Variants in NIPSNAP1 observed in about 807,000 individuals in gnomAD.
The protein encoded by NIPSNAP1 is protein NipSnap homolog 1.
Under a neutral mutation model 49.2 loss-of-function variants are expected in NIPSNAP1, and 25 were observed. The observed-to-expected ratio is 0.51, with a 90% CI of 0.37 to 0.71. The LOEUF is 0.71. Among genes scored for constraint, NIPSNAP1 ranks in the 30% least tolerant of loss-of-function variants. NIPSNAP1 has a pLI of 0.00. For missense variants in NIPSNAP1, 294 were observed against 361.0 expected, an observed-to-expected ratio of 0.81 and a Z score of 1.50; for synonymous variants, 143 against 140.7, an observed-to-expected ratio of 1.02 and a Z score of -0.12.
chr22:29,560,251 T>C (rs368257192), intron 8 of NIPSNAP1, among the ~76,000 whole-genome samples: 11 of 151,798 alleles, frequency 7.2e-5, no homozygotes, highest in African/African-American at 2.2e-4. Context: ...CTTTTTTTTT[T>C]TTCTTCTTTT....
Position 29,560,745 on chromosome 22 carries a change from T to C in NIPSNAP1, c.695A>G (p.His232Arg). The C allele has an allele frequency of 6.2e-7, 1 of 1,614,082 alleles. No individual in the cohort carries two copies. The highest frequency in any genetic ancestry group is 8.5e-7 in the Non-Finnish European group (1 of 1,180,004). ...GGTCCTCAACCTACCCCAGAGATGG[T>C]GCACCACGTAGAGCTCTCCTATCTG... is the stretch of plus-strand genomic sequence containing the variant. ...FSQIGELYVV[H>R]HLWAYKDLQS... The change falls in exon 8 of 10, where the codon CAC becomes CGC. Residue 232 changes from histidine to arginine, a missense_variant. Coordinates refer to ENST00000216121, the MANE Select transcript of NIPSNAP1 (RefSeq NM_003634.4).
chr22:29,574,261 CAAAAAAAAAAAAAA>C (rs1158442759), intron 1 of NIPSNAP1, among the ~76,000 whole-genome samples: 15 of 36,692 alleles, frequency 4.1e-4, no homozygotes, highest in African/African-American at 8.1e-4. Flanking sequence ...TCCATCTTCA[CAAAAAAAAAAAAAA>C]AAAAAAAAAA....
At chr22:29,575,786 C>T (rs1284115582) in intron 1 of NIPSNAP1, among the ~76,000 whole-genome samples, 1 of 151,084 alleles carries the variant, frequency 6.6e-6, no homozygotes, top group Admixed American at 6.6e-5. Flanking sequence ...GTGATCTGGG[C>T]TCACTGCAAC....
chr22:29,566,263 C>A (rs138670823), intron 4 of NIPSNAP1, among the ~76,000 whole-genome samples: 166 of 152,012 alleles, frequency 1.1e-3, no homozygotes, highest in African/African-American at 3.5e-3. Context: ...ACCTCAGCCT[C>A]CTAATCTGCT....
intron 1 of NIPSNAP1, among the ~76,000 whole-genome samples, chr22:29,575,724 G>A (rs371744043): frequency 1.6e-5 from 2 of 127,662 alleles, no homozygotes; most frequent in Non-Finnish European, 3.4e-5. Context: ...TTTTTTTTTT[G>A]TTTTGTTTGA....
intron 4 of NIPSNAP1, among the ~76,000 whole-genome samples, chr22:29,567,889 A>C (rs2064378353): frequency 6.7e-6 from 1 of 148,576 alleles, no homozygotes; most frequent in Non-Finnish European, 1.5e-5. Context: ...AATGAATAAA[A>C]CTGAAAGGCC....
At chr22:29,559,498 C>T (rs1441246112) in intron 8 of NIPSNAP1, among the ~76,000 whole-genome samples, 2 of 151,886 alleles carry the variant, frequency 1.3e-5, no homozygotes, top group Admixed American at 6.6e-5. Flanking sequence ...GATCACACTA[C>T]TGCACTCCAG....
In NIPSNAP1 at chr22:29,570,498, G is replaced by T; in HGVS notation, c.133C>A (p.Arg45Ser). ...TCCACTTTGTGAACAAAGAGGGAGC[G>T]GAACCAGCTGCCTTCATTGTCCTTG... ...YSKDNEGSWF[R>S]SLFVHKVDPR... Residue 45 changes from arginine (R) to serine (S), a missense_variant, in exon 2 of 10, where the codon CGC (arginine) becomes AGC (serine). Arg to Ser is a moderately radical substitution (Grantham distance 110). Transcript: ENST00000216121. 6.2e-7 allele frequency: 1 copy of T among 1,614,024 alleles called. No homozygotes were observed. Among genetic ancestry groups the T allele is most frequent in the Non-Finnish European group, 8.5e-7 (1 of 1,179,970 alleles).
At position 29,569,270 on chromosome 22, in the gene NIPSNAP1, T is replaced by C; in HGVS notation, c.290A>G (p.Lys97Arg). Residue 97 changes from lysine (K) to arginine (R), a missense_variant, in exon 4 of 10, where the codon AAG (lysine) becomes AGG (arginine). This residue lies in a region of NIPSNAP1 where 55 missense variants were observed against 46.2 expected (regional missense o/e 1.19). Transcript: ENST00000216121. Reference sequence around the variant, plus strand: ...TGGGTAGTCCTCATCCAGGTGAAGCTTGGGCAGCACAGCCTCCCTGTGGGG... The same window carrying C: ...TGGGTAGTCCTCATCCAGGTGAAGCCTGGGCAGCACAGCCTCCCTGTGGGG... ...YNSLTEAVLP[K>R]LHLDEDYPCS... 6.2e-7 allele frequency: 1 copy of C among 1,613,840 alleles called. No homozygotes were observed. Among genetic ancestry groups the C allele is most frequent in the Non-Finnish European group, 8.5e-7 (1 of 1,179,898 alleles).
chr22:29,570,801 C>T (rs937879508), intron 1 of NIPSNAP1, among the ~76,000 whole-genome samples: 1 of 152,102 alleles, frequency 6.6e-6, no homozygotes, highest in Non-Finnish European at 1.5e-5. Flanking sequence ...TCTCTAGCCT[C>T]CCTGCCTCCA....
At chr22:29,577,239 C>A (rs2064459521) in intron 1 of NIPSNAP1, among the ~76,000 whole-genome samples, 1 of 150,960 alleles carries the variant, frequency 6.6e-6, no homozygotes, top group South Asian at 2.1e-4. Context: ...CAGGTGAGCA[C>A]CACCACGTCT....
At chr22:29,564,868 C>T (rs2064358863) in intron 4 of NIPSNAP1, among the ~76,000 whole-genome samples, 1 of 151,866 alleles carries the variant, frequency 6.6e-6, no homozygotes, top group South Asian at 2.1e-4. Flanking sequence ...CTTCAAGGTA[C>T]AAAAAATGTA....
At chr22:29,577,634 G>A (rs1230149833) in intron 1 of NIPSNAP1, among the ~76,000 whole-genome samples, 3 of 151,230 alleles carry the variant, frequency 2.0e-5, no homozygotes, top group South Asian at 4.2e-4. Flanking sequence ...TGGCCAGGTC[G>A]AACTCCTGAC....
intron 1 of NIPSNAP1, among the ~76,000 whole-genome samples, chr22:29,575,685 G>C (rs112882178): frequency 6.6e-6 from 1 of 151,596 alleles, no homozygotes; most frequent in Non-Finnish European, 1.5e-5. Flanking sequence ...ACGCAAGAGG[G>C]AAGGATTGCT....
rs1341229521 is a variant in NIPSNAP1, at chr22:29,561,488, T to C, written c.579+18A>G. 6.2e-7 allele frequency: 1 copy of C among 1,613,150 alleles called. No homozygotes were observed. Among genetic ancestry groups the C allele is most frequent in the South Asian group, 1.1e-5 (1 of 91,050 alleles). ...AGGGAAATTGGGGGGCAGGAGGGGGTCTGTCGGAGGGAGGCACCTTGAGCT... is the reference window on the plus strand; with the variant it reads ...AGGGAAATTGGGGGGCAGGAGGGGGCCTGTCGGAGGGAGGCACCTTGAGCT... On this transcript the variant is annotated intron_variant, in intron 6 of 9. Coordinates refer to ENST00000216121, the MANE Select transcript of NIPSNAP1 (RefSeq NM_003634.4).
At chr22:29,566,271 G>T (rs935522413) in intron 4 of NIPSNAP1, among the ~76,000 whole-genome samples, 1 of 151,314 alleles carries the variant, frequency 6.6e-6, no homozygotes, top group African/African-American at 2.4e-5. Flanking sequence ...CTCCTAATCT[G>T]CTGGGATTAT....
intron 6 of NIPSNAP1, 21 bp downstream of exon 6, chr22:29,561,485 G>A (rs189739703): frequency 6.8e-6 from 11 of 1,613,754 alleles, no homozygotes; most frequent in East Asian, 6.7e-5. Flanking sequence ...GGGCAGGAGG[G>A]GGTCTGTCGG....
chr22:29,579,018 G>C (rs530051448), intron 1 of NIPSNAP1, among the ~76,000 whole-genome samples: 1 of 151,320 alleles, frequency 6.6e-6, no homozygotes, highest in South Asian at 2.1e-4. Flanking sequence ...ATAGGCTAGG[G>C]GTTAAGGAGC....
intron 9 of NIPSNAP1, among the ~76,000 whole-genome samples, chr22:29,557,201 C>T (rs1188860945): frequency 2.0e-5 from 3 of 151,840 alleles, no homozygotes; most frequent in African/African-American, 7.3e-5. Context: ...TCAATGCAAC[C>T]TCCGCCTCCT....
Sources: gnomAD v4.1 joint callset for allele counts (sites outside exome capture counted in the v4.1 genomes callset) on GRCh38, gnomAD v4.1.1 for gene constraint, gnomAD v4.1.1 regional missense constraint, MANE v1.5 for transcripts, NCBI Gene and HGNC (gene_info 2026-07-23, HGNC 2026-07-21) for gene names.